The following FAR1 variants were observed in gnomAD, a reference collection of about 807,000 sequenced individuals.
FAR1 encodes the protein fatty acyl-CoA reductase 1.
In FAR1, 22 loss-of-function variants were observed where a neutral mutation model predicts 61.1. The ratio of observed to expected loss-of-function variants is 0.36; its 90% CI spans 0.26 to 0.51. The LOEUF (loss-of-function observed/expected upper bound fraction) is 0.51, where lower values mean the gene tolerates loss of function less well. Ranked by LOEUF, FAR1 falls within the 20% of genes least tolerant of loss-of-function variation. The pLI is 0.95. For synonymous variants in FAR1, 206 were observed against 209.7 expected, an observed-to-expected ratio of 0.98 and a Z score of 0.15; for missense variants, 359 against 626.9, an observed-to-expected ratio of 0.57 and a Z score of 4.56.
chr11:13,683,987 C>T (rs2134172290), intron 1 of FAR1, among the ~76,000 whole-genome samples: 1 of 152,286 alleles, frequency 6.6e-6, no homozygotes. Flanking sequence ...TAGAGCCAGT[C>T]TAGACTTGAC....
intron 9 of FAR1, among the ~76,000 whole-genome samples, chr11:13,718,007 GTTTC>G (rs1427464279): frequency 6.6e-6 from 1 of 152,156 alleles, no homozygotes; most frequent in African/African-American, 2.4e-5. Flanking sequence ...ATACCCATAA[GTTTC>G]TTTGACACAA....
At position 13,732,344 on chromosome 11, in the gene FAR1, TAA is replaced by T. The variant is rs1042966796; in HGVS notation, c.*3571_*3572del. ...TATTAAAGAAAAATTTGAGTAACAT[TAA>T]GTTTGATGTGCTCCTTTGCAAGTTG... On this transcript the variant is annotated 3_prime_UTR_variant, in exon 12 of 12. Coordinates refer to ENST00000354817, the MANE Select transcript of FAR1 (RefSeq NM_032228.6). The T allele has an allele frequency of 6.6e-6, 1 of 152,302 alleles. No homozygotes were observed. The highest frequency in any genetic ancestry group is 6.5e-5 in the Admixed American group (1 of 15,302). 9.4% of individuals were successfully genotyped at this position (152,302 alleles called of 1,614,324 possible).
chr11:13,671,629 G>A (rs1258058800), intron 1 of FAR1, among the ~76,000 whole-genome samples: 2 of 152,176 alleles, frequency 1.3e-5, no homozygotes, highest in Admixed American at 1.3e-4. Context: ...TTTATTGGGT[G>A]CTACTTTGTG....
rs530118612 is a variant in FAR1 at position 13,712,134 on chromosome 11, A to G, written c.887+88A>G. On this transcript the variant is annotated intron_variant, in intron 7 of 11. Coordinates refer to ENST00000354817, the MANE Select transcript of FAR1 (RefSeq NM_032228.6). ...TTGAGTAATGTTAATTAATCCCTCT[A>G]TCCAGATATTGCCATACCAATATTT... The G allele has an allele frequency of 3.3e-6, 3 of 922,580 alleles. No individual in the cohort carries two copies. The African/African-American group carries it at 4.9e-5, about 15-fold the overall frequency. The allele number at this position is 922,580 out of a possible 1,614,324, so 57.1% of individuals were successfully genotyped here. A position where few individuals can be genotyped will look rare whatever the true frequency, so the allele number is the denominator to read the frequency against.
At chr11:13,723,540 T>C (rs1848637396) in intron 10 of FAR1, among the ~76,000 whole-genome samples, 1 of 152,162 alleles carries the variant, frequency 6.6e-6, no homozygotes, top group African/African-American at 2.4e-5. Context: ...TGATAGTGGG[T>C]GTAATTTTGA....
chr11:13,697,375 T>G (rs1389446443), intron 2 of FAR1, among the ~76,000 whole-genome samples: 1 of 151,954 alleles, frequency 6.6e-6, no homozygotes, highest in African/African-American at 2.4e-5. Flanking sequence ...GGTGGGAGGA[T>G]TGCTGGAACC....
At chr11:13,669,854 G>A (rs945425871) in intron 1 of FAR1, among the ~76,000 whole-genome samples, 1 of 149,612 alleles carries the variant, frequency 6.7e-6, no homozygotes, top group African/African-American at 2.5e-5. Context: ...TTGACTAGAT[G>A]GCAGTCAGGA....
intron 3 of FAR1, among the ~76,000 whole-genome samples, chr11:13,704,210 G>A (rs1187262814): frequency 6.6e-6 from 1 of 152,028 alleles, no homozygotes; most frequent in Non-Finnish European, 1.5e-5. Context: ...TGAGAGTAAT[G>A]GAGAGGCAAG....
chr11:13,711,673 G>C (rs1485760914), intron 5 of FAR1, 91 bp from the exon 6 acceptor site: 2 of 940,190 alleles, frequency 2.1e-6, no homozygotes, highest in Admixed American at 4.5e-5. Flanking sequence ...CAGCTACCAA[G>C]TATATATTTG....
chr11:13,681,784 G>T (rs1300867258), intron 1 of FAR1, among the ~76,000 whole-genome samples: 2 of 152,118 alleles, frequency 1.3e-5, no homozygotes, highest in African/African-American at 4.8e-5. Context: ...ATAAAATGGT[G>T]GTTGTTTTAA....
At chr11:13,724,419 G>T (rs1012602985) in intron 10 of FAR1, among the ~76,000 whole-genome samples, 1 of 151,782 alleles carries the variant, frequency 6.6e-6, no homozygotes, top group Admixed American at 6.6e-5. Flanking sequence ...GCGTGGTGGC[G>T]CATGCCTGTA....
At chr11:13,704,545 T>G (rs1848413029) in intron 3 of FAR1, among the ~76,000 whole-genome samples, 1 of 152,194 alleles carries the variant, frequency 6.6e-6, no homozygotes, top group African/African-American at 2.4e-5. Flanking sequence ...AATTTTGGAA[T>G]CATACTCCAG....
intron 4 of FAR1, among the ~76,000 whole-genome samples, chr11:13,709,506 T>C (rs911205981): frequency 1.3e-5 from 2 of 152,172 alleles, no homozygotes; most frequent in African/African-American, 4.8e-5. Context: ...TCTCCTTTCC[T>C]TGCTGCAAAG....
intron 1 of FAR1, among the ~76,000 whole-genome samples, chr11:13,679,950 T>C (rs1323015372): frequency 6.6e-6 from 1 of 151,850 alleles, no homozygotes; most frequent in Non-Finnish European, 1.5e-5. Context: ...GGGGGAAGTA[T>C]TGGGGAAAAT....
intron 2 of FAR1, among the ~76,000 whole-genome samples, chr11:13,699,428 C>T (rs368421612): frequency 4.6e-5 from 7 of 152,026 alleles, no homozygotes; most frequent in Non-Finnish European, 7.4e-5. Flanking sequence ...TCAGTAGGAG[C>T]GGGAAGACTG....
intron 2 of FAR1, among the ~76,000 whole-genome samples, chr11:13,696,624 T>G (rs375989138): frequency 2.7e-5 from 4 of 149,858 alleles, no homozygotes; most frequent in Non-Finnish European, 4.5e-5. Context: ...AAAAAAAAGT[T>G]TTTTCCCCAA....
chr11:13,672,075 A>T (rs1199808879), intron 1 of FAR1, among the ~76,000 whole-genome samples: 2 of 152,216 alleles, frequency 1.3e-5, no homozygotes, highest in Admixed American at 6.5e-5. Flanking sequence ...TGAGTTAAGT[A>T]AGTAAAAAAG....
Position 13,711,805 on chromosome 11 carries a change from T to C in FAR1, c.765T>C (p.Ile255=). 1 of 1,600,578 alleles carries C rather than the reference T, an allele frequency of 6.2e-7. No individual in the cohort carries two copies. The highest frequency in any genetic ancestry group is 8.5e-7 in the Non-Finnish European group (1 of 1,174,586). Residue 255 remains isoleucine (I), a synonymous_variant, in exon 6 of 12, where the codon ATT becomes ATC. Transcript: ENST00000354817. ...TTAATGGACCAAGTGGTCTCTTTAT[T>C]GCGGTAAGTAAACCTTTTGATTTAT... ...DNFNGPSGLF[I]AAGKGILRTI... is the part of the protein sequence containing the mutation.
intron 1 of FAR1, among the ~76,000 whole-genome samples, chr11:13,675,537 T>G (rs1270628836): frequency 6.6e-6 from 1 of 152,218 alleles, no homozygotes; most frequent in African/African-American, 2.4e-5. Context: ...ATATCAGAAC[T>G]TGAACAAAGC....
Sources: allele counts gnomAD v4.1 joint callset (sites outside exome capture counted in the v4.1 genomes callset), GRCh38; gene constraint gnomAD v4.1.1; transcripts MANE v1.5; gene names NCBI Gene and HGNC (gene_info 2026-07-23, HGNC 2026-07-21).